XPO5: variants seen among roughly 807,000 people sequenced by gnomAD.
The protein encoded by XPO5 is exportin 5, also known as exportin-5.
In XPO5, 46 loss-of-function variants were observed where a neutral mutation model predicts 160.6. The ratio of observed to expected loss-of-function variants is 0.29; its 90% confidence interval spans 0.23 to 0.37. The LOEUF is 0.37. XPO5 is among the 10% of genes least tolerant of loss of function. The probability of loss-of-function intolerance (pLI) is 1.00; values close to 1 mark genes in which losing one functional copy is unlikely to be tolerated. For synonymous variants in XPO5, 537 were observed against 519.3 expected (o/e 1.03, Z -0.46); for missense variants, 1,090 against 1,463.9 (o/e 0.74, Z 4.17).
intron 20 of XPO5, among the ~76,000 whole-genome samples, chr6:43,538,343 G>A (rs1231328211): frequency 6.6e-6 from 1 of 151,558 alleles, no homozygotes; most frequent in Non-Finnish European, 1.5e-5. Flanking sequence ...TAGAGATGGG[G>A]TTTTGTCATG....
At chr6:43,532,318 T>A (rs1794036458) in intron 21 of XPO5, among the ~76,000 whole-genome samples, 1 of 152,208 alleles carries the variant, frequency 6.6e-6, no homozygotes, top group Non-Finnish European at 1.5e-5. Flanking sequence ...CAAATTAACA[T>A]CCTTCCTTTG....
chr6:43,545,593 G>C (rs1304306882), intron 20 of XPO5, among the ~76,000 whole-genome samples: 1 of 152,084 alleles, frequency 6.6e-6, no homozygotes, highest in Non-Finnish European at 1.5e-5. Context: ...TGTAGTCCCA[G>C]CTACTTGGGT....
intron 20 of XPO5, chr6:43,544,312 G>A (rs1468097686): frequency 1.3e-5 from 2 of 153,892 alleles, no homozygotes; most frequent in African/African-American, 2.4e-5. Context: ...AATAGGAGTA[G>A]TAAATTTATA....
chr6:43,544,132 A>C (rs1353611901), intron 20 of XPO5: 1 of 153,118 alleles, frequency 6.5e-6, no homozygotes, highest in Non-Finnish European at 1.5e-5. Flanking sequence ...AAAGTATCAA[A>C]ATGATAACCA....
chr6:43,565,630 G>T, intron 8 of XPO5, 30 bp downstream of exon 8: 1 of 1,510,942 alleles, frequency 6.6e-7, no homozygotes, highest in Non-Finnish European at 8.9e-7. Flanking sequence ...AAAGAAATTA[G>T]AAAACACACT....
At position 43,531,336 on chromosome 6, in the gene XPO5, C is replaced by T. The variant is rs560435636; in HGVS notation, c.2540+143G>A. 16 of 730,758 alleles carry T rather than the reference C, an allele frequency of 2.2e-5. No homozygotes were observed. In the African/African-American group the frequency reaches 2.3e-4, roughly 11 times the overall value. The allele number at this position is 730,758 out of a possible 1,614,324, so 45.3% of individuals were successfully genotyped here. ...AATGCAGGAAAGCAGGCTTTCATTT[C>T]TATTTAACACTAGAATGATAAGTTT... is the stretch of plus-strand genomic sequence containing the variant. On this transcript the variant is annotated intron_variant, in intron 22 of 31. Transcript: ENST00000265351.
At chr6:43,552,608 C>A (rs938304100) in intron 14 of XPO5, among the ~76,000 whole-genome samples, 8 of 152,172 alleles carry the variant, frequency 5.3e-5, no homozygotes, top group African/African-American at 1.7e-4. Context: ...CAGCCTTGGC[C>A]TCCCAAAGTG....
chr6:43,552,884 C>T (rs1330788186), intron 14 of XPO5, among the ~76,000 whole-genome samples: 2 of 152,078 alleles, frequency 1.3e-5, no homozygotes, highest in Non-Finnish European at 2.9e-5. Flanking sequence ...TGTGGTAGTG[C>T]TTAGAGTTAG....
At chr6:43,528,567 C>T (rs1450017643) in intron 24 of XPO5, among the ~76,000 whole-genome samples, 1 of 152,142 alleles carries the variant, frequency 6.6e-6, no homozygotes, top group Non-Finnish European at 1.5e-5. Context: ...GCAAGCATTC[C>T]TCTTTTTACC....
intron 10 of XPO5, 29 bp from the exon 11 acceptor site, chr6:43,560,332 A>G (rs758491694): frequency 1.1e-5 from 17 of 1,571,104 alleles, no homozygotes; most frequent in Non-Finnish European, 1.5e-5. Flanking sequence ...GAAAACGTCA[A>G]AGGATTTGGA....
At position 43,568,752 on chromosome 6, in the gene XPO5, A is replaced by G; in HGVS notation, c.622-15T>C. 2 of 1,570,152 alleles carry G rather than the reference A, an allele frequency of 1.3e-6. No individual in the cohort carries two copies. The highest frequency in any genetic ancestry group is 8.7e-7 in the Non-Finnish European group (1 of 1,155,724). On this transcript the variant is annotated splice_polypyrimidine_tract_variant and intron_variant, in intron 5 of 31. Transcript: ENST00000265351. Reference sequence around the variant, plus strand: ...GTATCTGTCTTCTGAAAGGAAGTATAAAGATCCAGTGTTTTTAATGAGCAA... The same window carrying G: ...GTATCTGTCTTCTGAAAGGAAGTATGAAGATCCAGTGTTTTTAATGAGCAA...
intron 28 of XPO5, 183 bp from the exon 29 acceptor site, chr6:43,525,397 C>T (rs1008787964): frequency 1.8e-5 from 11 of 613,410 alleles, no homozygotes; most frequent in Non-Finnish European, 3.1e-5. Flanking sequence ...CTAAGCCTCC[C>T]GAATAGCTGG....
rs1443859673 is a variant in XPO5 at position 43,523,718 on chromosome 6, G to A, written c.*150C>T. 1.6e-6 allele frequency: 2 copies of A among 1,220,936 alleles called. No homozygotes were observed. Among genetic ancestry groups the A allele is most frequent in the African/African-American group, 1.5e-5 (1 of 67,446 alleles). 75.6% of individuals were successfully genotyped at this position (1,220,936 alleles called of 1,614,324 possible). A position where few individuals can be genotyped will look rare whatever the true frequency, so the allele number is the denominator to read the frequency against. On this transcript the variant is annotated 3_prime_UTR_variant, in exon 32 of 32. Coordinates refer to ENST00000265351, the MANE Select transcript of XPO5 (RefSeq NM_020750.3). ...ATAATTACTTCTGGTCCTGCACAGG[G>A]CCTGTTCTCTCCAGCTCCAGACCTG...
intron 25 of XPO5, 91 bp downstream of exon 25, chr6:43,528,068 T>C: frequency 1.5e-6 from 2 of 1,317,656 alleles, no homozygotes; most frequent in South Asian, 1.3e-5. Context: ...TCTTCTACCC[T>C]GGGACAGCAG....
chr6:43,540,086 T>A (rs571618926), intron 20 of XPO5, among the ~76,000 whole-genome samples: 1 of 152,286 alleles, frequency 6.6e-6, no homozygotes, highest in South Asian at 2.1e-4. Flanking sequence ...TGAAACCCTG[T>A]CTCTACTGAA....
chr6:43,542,058 C>T (rs540365758), intron 20 of XPO5, among the ~76,000 whole-genome samples: 3 of 152,302 alleles, frequency 2.0e-5, no homozygotes, highest in South Asian at 2.1e-4. Flanking sequence ...GCTAGGATTA[C>T]ATGCATGAGC....
intron 19 of XPO5, chr6:43,547,282 T>C: frequency 2.4e-6 from 1 of 415,316 alleles, no homozygotes; most frequent in Non-Finnish European, 4.5e-6. Flanking sequence ...CTTAAGACTT[T>C]ACATGCCAGA....
At chr6:43,525,531 A>T (rs868372514) in intron 28 of XPO5, 12 of 506,616 alleles carry the variant, frequency 2.4e-5, no homozygotes, top group African/African-American at 2.1e-4. Flanking sequence ...AAAAAATCAA[A>T]ATGTGAGAAA....
intron 24 of XPO5, 98 bp from the exon 25 acceptor site, chr6:43,528,303 G>A: frequency 1.6e-6 from 2 of 1,288,858 alleles, no homozygotes; most frequent in Admixed American, 2.0e-5. Context: ...AATTAGCCAA[G>A]GATGATTCTA....
Sources: gnomAD v4.1 joint callset for allele counts (sites outside exome capture counted in the v4.1 genomes callset) on GRCh38, gnomAD v4.1.1 for gene constraint, MANE v1.5 for transcripts, NCBI Gene and HGNC (gene_info 2026-07-23, HGNC 2026-07-21) for gene names.